Variants in ABAT observed in about 807,000 individuals in gnomAD.
ABAT encodes 4-aminobutyrate aminotransferase, also known as 4-aminobutyrate aminotransferase, mitochondrial.
Under a neutral mutation model 64.6 loss-of-function variants are expected in ABAT, and 45 were observed. That is an observed-to-expected ratio of 0.70 (90% CI 0.55 to 0.89). The LOEUF is 0.89. Among genes scored for constraint, ABAT ranks in the 40% least tolerant of loss-of-function variants. The pLI is 0.00. For missense variants in ABAT, 633 were observed against 658.4 expected (o/e 0.96, Z 0.42); for synonymous variants, 297 against 250.5 (o/e 1.19, Z -1.75).
chr16:8,686,472 C>G (rs1320905257), intron 1 of ABAT, among the ~76,000 whole-genome samples: 1 of 152,194 alleles, frequency 6.6e-6, no homozygotes, highest in Non-Finnish European at 1.5e-5. Context: ...TTGGCTCCAG[C>G]TTTACCCATG....
chr16:8,766,483 C>A (rs1228791391), intron 9 of ABAT, among the ~76,000 whole-genome samples: 1 of 149,860 alleles, frequency 6.7e-6, no homozygotes, highest in Admixed American at 6.7e-5. Context: ...GGTGAAACCC[C>A]ATCTCTACTA....
At chr16:8,731,497 A>G (rs2058717624) in intron 1 of ABAT, 1 of 152,192 alleles carries the variant, frequency 6.6e-6, no homozygotes, top group African/African-American at 2.4e-5. Context: ...TGCTCCAACA[A>G]TGTGAAATGG....
chr16:8,757,885 T>C, intron 6 of ABAT, 79 bp downstream of exon 6: 1 of 1,456,350 alleles, frequency 6.9e-7, no homozygotes, highest in Non-Finnish European at 9.6e-7. Flanking sequence ...ACTTTGGCAA[T>C]AGTCCTTTCA....
chr16:8,760,909 A>G (rs79898908), intron 6 of ABAT, among the ~76,000 whole-genome samples: 5,605 of 152,118 alleles, frequency 0.037, 341 homozygotes, highest in African/African-American at 0.13. Flanking sequence ...CCCTGTCTCT[A>G]CGATAACTGT....
chr16:8,699,983 A>AT (rs143434735), intron 1 of ABAT, among the ~76,000 whole-genome samples: 4,487 of 150,620 alleles, frequency 0.03, 118 homozygotes, highest in East Asian at 0.13. Flanking sequence ...TAATTTTTGT[A>AT]TTTTTTTTTG....
chr16:8,754,470 C>A (rs528067835), intron 5 of ABAT, among the ~76,000 whole-genome samples: 1 of 152,218 alleles, frequency 6.6e-6, no homozygotes, highest in East Asian at 1.9e-4. Context: ...ACAGTTATAT[C>A]CATGCTACTG....
At chr16:8,730,937 A>T (rs2058700285) in intron 1 of ABAT, among the ~76,000 whole-genome samples, 1 of 152,164 alleles carries the variant, frequency 6.6e-6, no homozygotes. Context: ...GTACTCATTA[A>T]TTGTTTATTT....
At position 8,720,154 on chromosome 16, in the gene ABAT, G is replaced by T. The variant is rs146566746; in HGVS notation, c.-41-15545G>T. On this transcript the variant is annotated intron_variant, in intron 1 of 15. Transcript: ENST00000268251. ...AAGAGCTCTTTGGAAACAGAAAATG[G>T]CCTGCAACAGGCATCTCTTCCACAT... Among the ~76,000 whole-genome samples the T allele has an allele frequency of 1.9e-3, 283 of 152,306 alleles. 1 individual carries two copies. The highest frequency in any genetic ancestry group is 6.4e-3 in the African/African-American group (268 of 41,558).
Position 8,784,385 on chromosome 16 carries a change from T to C in ABAT, c.*2955T>C, listed in dbSNP as rs2060501091. 6.6e-6 allele frequency: 1 copy of C among 152,624 alleles called. No individual in the cohort carries two copies. Among genetic ancestry groups the C allele is most frequent in the South Asian group, 2.1e-4 (1 of 4,832 alleles). The allele number at this position is 152,624 out of a possible 1,614,324, so 9.5% of individuals were successfully genotyped here. ...TAAGCTCATGGTAGAAAACCATAGCTAAGTAGCATCGCAGACTTAAGCGTA... is the reference window on the plus strand; with the variant it reads ...TAAGCTCATGGTAGAAAACCATAGCCAAGTAGCATCGCAGACTTAAGCGTA... On this transcript the variant is annotated 3_prime_UTR_variant, in exon 16 of 16. Coordinates refer to ENST00000268251, the MANE Select transcript of ABAT (RefSeq NM_020686.6).
intron 1 of ABAT, among the ~76,000 whole-genome samples, chr16:8,695,166 G>T (rs1354840853): frequency 6.6e-6 from 1 of 152,180 alleles, no homozygotes; most frequent in Non-Finnish European, 1.5e-5. Flanking sequence ...GCTTGGGGAC[G>T]TCCTTTGCAA....
intron 1 of ABAT, among the ~76,000 whole-genome samples, chr16:8,732,220 T>A (rs1234067501): frequency 6.8e-6 from 1 of 146,270 alleles, no homozygotes; most frequent in Non-Finnish European, 1.5e-5. Flanking sequence ...TTTGTTTGTT[T>A]TTTTAATTTA....
At chr16:8,746,481 A>G (rs2059331804) in intron 3 of ABAT, among the ~76,000 whole-genome samples, 1 of 152,038 alleles carries the variant, frequency 6.6e-6, no homozygotes, top group Non-Finnish European at 1.5e-5. Context: ...TGAATCTGGG[A>G]GGCAGAGGTT....
chr16:8,766,069 C>A (rs1168572587), intron 8 of ABAT, 139 bp from the exon 9 acceptor site: 1 of 788,078 alleles, frequency 1.3e-6, no homozygotes, highest in Non-Finnish European at 2.2e-6. Context: ...CAGTACAGAC[C>A]TGCAACAATT....
At chr16:8,693,032 T>G (rs1207252913) in intron 1 of ABAT, among the ~76,000 whole-genome samples, 1 of 152,092 alleles carries the variant, frequency 6.6e-6, no homozygotes, top group East Asian at 1.9e-4. Flanking sequence ...TTTTGTATTT[T>G]TAGTAGAGAA....
In ABAT at chr16:8,779,472, A is replaced by G; in HGVS notation, c.1270-7A>G. The G allele has an allele frequency of 6.2e-7, 1 of 1,613,646 alleles. No homozygotes were observed. The highest frequency in any genetic ancestry group is 8.5e-7 in the Non-Finnish European group (1 of 1,179,694). On this transcript the variant is annotated splice_region_variant and splice_polypyrimidine_tract_variant and intron_variant, in intron 14 of 15. Transcript: ENST00000268251. ...TTTGACGCCAGCCTTGTCTCCTCCC[A>G]CTACAGGCCCGGTACCCCCAGTTCA...
intron 1 of ABAT, among the ~76,000 whole-genome samples, chr16:8,733,135 C>T (rs979321705): frequency 2.0e-5 from 3 of 150,420 alleles, no homozygotes; most frequent in Non-Finnish European, 4.4e-5. Flanking sequence ...TGACCCCCCC[C>T]CACCTCCCTC....
rs1247005605 is a variant in ABAT, at chr16:8,735,723, C to G, written c.-17C>G. The G allele has an allele frequency of 1.3e-6, 2 of 1,591,402 alleles. No homozygotes were observed. Among genetic ancestry groups the G allele is most frequent in the Non-Finnish European group, 1.7e-6 (2 of 1,168,420 alleles). ...GGGTGGCAGCACGCAAAGGGTGTCC[C>G]TGTCCCTCAAGGGGTCATGGCCTCC... On this transcript the variant is annotated 5_prime_UTR_variant, in exon 2 of 16. Coordinates refer to ENST00000268251, the MANE Select transcript of ABAT (RefSeq NM_020686.6).
chr16:8,740,191 C>T (rs1222443089), intron 2 of ABAT, among the ~76,000 whole-genome samples: 1 of 152,126 alleles, frequency 6.6e-6, no homozygotes, highest in Non-Finnish European at 1.5e-5. Flanking sequence ...CAGTTGGCTC[C>T]AGGACCCGAG....
intron 6 of ABAT, among the ~76,000 whole-genome samples, chr16:8,759,050 T>C (rs917545907): frequency 3.3e-5 from 5 of 152,080 alleles, no homozygotes; most frequent in African/African-American, 1.2e-4. Flanking sequence ...TGCAGTGAGC[T>C]GAGATGGTGC....
Sources: allele counts gnomAD v4.1 joint callset (sites outside exome capture counted in the v4.1 genomes callset), GRCh38; gene constraint gnomAD v4.1.1; transcripts MANE v1.5; gene names NCBI Gene and HGNC (gene_info 2026-07-23, HGNC 2026-07-21).